CDIN1: variants seen among roughly 807,000 people sequenced by gnomAD.
CDIN1 encodes the protein CDAN1-interacting nuclease 1.
In CDIN1, 33 loss-of-function variants were observed where a neutral mutation model predicts 45.3. The ratio of observed to expected loss-of-function variants is 0.73; its 90% CI spans 0.55 to 0.97. The LOEUF (loss-of-function observed/expected upper bound fraction) is 0.97, where lower values mean the gene tolerates loss of function less well. CDIN1 is among the 50% of genes least tolerant of loss of function. The probability of loss-of-function intolerance (pLI) is 0.00; values close to 1 mark genes in which losing one functional copy is unlikely to be tolerated. For synonymous variants in CDIN1, 118 were observed against 124.4 expected, an observed-to-expected ratio of 0.95 and a Z score of 0.34; for missense variants, 303 against 339.4, an observed-to-expected ratio of 0.89 and a Z score of 0.84.
chr15:36,699,146 C>T (rs904437571), intron 8 of CDIN1, among the ~76,000 whole-genome samples: 6 of 152,032 alleles, frequency 3.9e-5, no homozygotes, highest in African/African-American at 1.4e-4. Context: ...TTTATGCAAC[C>T]TGAGTCCTGT....
intron 1 of CDIN1, among the ~76,000 whole-genome samples, chr15:36,601,974 T>C (rs1172597279): frequency 6.6e-6 from 1 of 152,244 alleles, no homozygotes; most frequent in Non-Finnish European, 1.5e-5. Flanking sequence ...TCAATTTTTT[T>C]TTGTATTCAT....
At chr15:36,648,437 T>TA (rs1477418233) in intron 3 of CDIN1, among the ~76,000 whole-genome samples, 1 of 134,270 alleles carries the variant, frequency 7.4e-6, no homozygotes, top group Non-Finnish European at 1.6e-5. Flanking sequence ...ATTTTTTTTT[T>TA]TTTTTTTTTT....
chr15:36,728,531 T>C (rs1374321339), intron 10 of CDIN1, among the ~76,000 whole-genome samples: 6 of 150,578 alleles, frequency 4.0e-5, no homozygotes, highest in Non-Finnish European at 7.4e-5. Context: ...CCTCTAAATA[T>C]CTTTGCTTGT....
chr15:36,661,426 T>C (rs184699000), intron 5 of CDIN1, among the ~76,000 whole-genome samples: 1 of 152,262 alleles, frequency 6.6e-6, no homozygotes, highest in Admixed American at 6.5e-5. Flanking sequence ...TGTGTTTTTT[T>C]TTTAAAGTCA....
intron 5 of CDIN1, among the ~76,000 whole-genome samples, chr15:36,666,292 C>G (rs147279080): frequency 6.6e-6 from 1 of 152,204 alleles, no homozygotes; most frequent in Admixed American, 6.5e-5. Flanking sequence ...TCCTCTACCC[C>G]CACTGATGAA....
intron 1 of CDIN1, among the ~76,000 whole-genome samples, chr15:36,634,627 C>A (rs997166230): frequency 1.3e-5 from 2 of 151,914 alleles, no homozygotes; most frequent in African/African-American, 4.8e-5. Flanking sequence ...GTAGATCTTG[C>A]TGTTTTTATG....
At chr15:36,589,913 A>G (rs755512136) in intron 1 of CDIN1, among the ~76,000 whole-genome samples, 1 of 152,180 alleles carries the variant, frequency 6.6e-6, no homozygotes, top group Non-Finnish European at 1.5e-5. Context: ...CGTATGAAAG[A>G]TGGTACATGC....
intron 1 of CDIN1, among the ~76,000 whole-genome samples, chr15:36,642,287 T>A (rs2140396909): frequency 6.6e-6 from 1 of 152,330 alleles, no homozygotes; most frequent in Admixed American, 6.5e-5. Context: ...AAACAGATAG[T>A]TGGCTGGCAG....
At chr15:36,619,136 G>A in intron 1 of CDIN1, 1 of 1,109,522 alleles carries the variant, frequency 9.0e-7, no homozygotes, top group Middle Eastern at 2.2e-4. Flanking sequence ...GGCTTCTGAG[G>A]CCATACCATT....
intron 10 of CDIN1, among the ~76,000 whole-genome samples, chr15:36,736,660 G>T (rs151091460): frequency 9.1e-4 from 138 of 152,252 alleles, no homozygotes; most frequent in African/African-American, 3.2e-3. Context: ...TAATGTTCTA[G>T]CAGTATTACC....
At chr15:36,612,655 C>T (rs1161365964) in intron 1 of CDIN1, among the ~76,000 whole-genome samples, 1 of 152,132 alleles carries the variant, frequency 6.6e-6, no homozygotes, top group Non-Finnish European at 1.5e-5. Context: ...TGATGCTGAG[C>T]GTCTTTACTT....
At chr15:36,763,058 G>A (rs548583356) in intron 10 of CDIN1, among the ~76,000 whole-genome samples, 1 of 152,310 alleles carries the variant, frequency 6.6e-6, no homozygotes, top group Admixed American at 6.5e-5. Flanking sequence ...GATCCCTGAG[G>A]AATCACCACG....
chr15:36,598,930 TC>T (rs2037968548), intron 1 of CDIN1, among the ~76,000 whole-genome samples: 1 of 152,190 alleles, frequency 6.6e-6, no homozygotes, highest in East Asian at 1.9e-4. Context: ...AATTGTGAGA[TC>T]CTTTGGATGG....
intron 10 of CDIN1, among the ~76,000 whole-genome samples, chr15:36,718,489 T>TA (rs2043290267): frequency 2.0e-5 from 3 of 152,282 alleles, no homozygotes; most frequent in South Asian, 4.1e-4. Context: ...TCCATGAACC[T>TA]GACATCTCTC....
At chr15:36,590,942 TTTATACTCAG>T (rs775159644) in intron 1 of CDIN1, among the ~76,000 whole-genome samples, 15 of 152,220 alleles carry the variant, frequency 9.9e-5, no homozygotes, top group African/African-American at 1.4e-4. Context: ...ATGATCCAGA[TTTATACTCAG>T]CACATTTATG....
At chr15:36,648,606 T>C (rs1375801007) in intron 3 of CDIN1, 1 of 151,898 alleles carries the variant, frequency 6.6e-6, no homozygotes, top group Non-Finnish European at 1.5e-5. Context: ...TAATTTTTTG[T>C]ATTTTTAATA....
At chr15:36,653,108 A>G (rs1289071434) in intron 3 of CDIN1, among the ~76,000 whole-genome samples, 1 of 152,200 alleles carries the variant, frequency 6.6e-6, no homozygotes, top group African/African-American at 2.4e-5. Flanking sequence ...GAAGCTTTCA[A>G]CATTACAGTG....
chr15:36,675,233 G>T (rs1249045940), intron 5 of CDIN1, among the ~76,000 whole-genome samples: 1 of 151,994 alleles, frequency 6.6e-6, no homozygotes, highest in Non-Finnish European at 1.5e-5. Flanking sequence ...GTAATTAAAT[G>T]GTTCTTTTAA....
At chr15:36,772,814 T>G (rs1004200543) in intron 10 of CDIN1, among the ~76,000 whole-genome samples, 2 of 152,246 alleles carry the variant, frequency 1.3e-5, no homozygotes, top group African/African-American at 4.8e-5. Context: ...AAAAGAATTG[T>G]GTTAACAGAG....
Sources: gnomAD v4.1 joint callset for allele counts (sites outside exome capture counted in the v4.1 genomes callset) on GRCh38, gnomAD v4.1.1 for gene constraint, MANE v1.5 for transcripts, NCBI Gene and HGNC (gene_info 2026-07-23, HGNC 2026-07-21) for gene names.